APOLD1: variants seen among roughly 807,000 people sequenced by gnomAD.
APOLD1 encodes apolipoprotein L domain-containing protein 1.
Under a neutral mutation model 15.3 loss-of-function variants are expected in APOLD1, and 22 were observed. The ratio of observed to expected loss-of-function variants is 1.44; its 90% CI spans 1.03 to 2.05. The LOEUF (loss-of-function observed/expected upper bound fraction) is 2.05. Ranked by LOEUF, APOLD1 falls within the 30% of genes most tolerant of loss-of-function variation. APOLD1 has a pLI of 0.00. For missense variants in APOLD1, 394 were observed against 353.5 expected, an observed-to-expected ratio of 1.11 and a Z score of -0.92; for synonymous variants, 190 against 167.4, an observed-to-expected ratio of 1.13 and a Z score of -1.04.
chr12:12,736,538 T>TAAATA (rs746640738), intron 1 of APOLD1, among the ~76,000 whole-genome samples: 1 of 152,004 alleles, frequency 6.6e-6, no homozygotes, highest in African/African-American at 2.4e-5. Context: ...AAAGAATAAA[T>TAAATA]AAATAAAATA....
intron 1 of APOLD1, among the ~76,000 whole-genome samples, chr12:12,750,132 C>T (rs1014349812): frequency 3.9e-5 from 6 of 151,970 alleles, no homozygotes; most frequent in Admixed American, 2.0e-4. Context: ...CAGCATTTTG[C>T]GAGGCCGAGG....
intron 1 of APOLD1, among the ~76,000 whole-genome samples, chr12:12,739,018 G>A (rs556651840): frequency 3.3e-5 from 5 of 152,218 alleles, no homozygotes; most frequent in Non-Finnish European, 7.3e-5. Flanking sequence ...AGATACAGAA[G>A]TCCTTGAGGA....
At chr12:12,785,841 G>C in intron 1 of APOLD1, 147 bp downstream of exon 1, 1 of 787,768 alleles carries the variant, frequency 1.3e-6, no homozygotes, top group Non-Finnish European at 2.2e-6. Flanking sequence ...ATTCTAGACT[G>C]GGCTCTGTGA....
At chr12:12,729,649 A>G (rs1162742941) in intron 1 of APOLD1, among the ~76,000 whole-genome samples, 1 of 152,038 alleles carries the variant, frequency 6.6e-6, no homozygotes, top group African/African-American at 2.4e-5. Flanking sequence ...TAGTTAAGCT[A>G]TTCTGGAGGC....
chr12:12,760,653 A>G lies in APOLD1; in HGVS notation c.97-26256A>G, dbSNP rs551781785. ...AAACTCTGTCTCAAAAAAAAAAAAAAAACAACCAACAACCAAACAACCAAA... is the reference window on the plus strand; with the variant it reads ...AAACTCTGTCTCAAAAAAAAAAAAAGAACAACCAACAACCAAACAACCAAA... On this transcript the variant is annotated intron_variant, in intron 1 of 1. Coordinates refer to the APOLD1 transcript ENST00000326765. Among the ~76,000 whole-genome samples the G allele has an allele frequency of 5.7e-4, 86 of 151,774 alleles. 2 individuals are homozygous for G. In the East Asian group the frequency reaches 0.015, roughly 27 times the overall value.
chr12:12,734,806 C>T (rs191694953), intron 1 of APOLD1, among the ~76,000 whole-genome samples: 16 of 152,330 alleles, frequency 1.1e-4, no homozygotes, highest in Middle Eastern at 3.4e-3. Context: ...TGCATTGTCG[C>T]GTGCAGTCTC....
At chr12:12,746,072 G>A (rs1351816445) in intron 1 of APOLD1, among the ~76,000 whole-genome samples, 2 of 152,112 alleles carry the variant, frequency 1.3e-5, no homozygotes, top group South Asian at 2.1e-4. Flanking sequence ...TTAATTTTAC[G>A]CCTTGCAGTG....
At chr12:12,758,649 A>G (rs1241581743) in intron 1 of APOLD1, among the ~76,000 whole-genome samples, 1 of 152,176 alleles carries the variant, frequency 6.6e-6, no homozygotes, top group Non-Finnish European at 1.5e-5. Flanking sequence ...CAATTTATCC[A>G]TCCGTAAATG....
chr12:12,776,222 C>T (rs1179098613), intron 1 of APOLD1, among the ~76,000 whole-genome samples: 2 of 152,026 alleles, frequency 1.3e-5, no homozygotes, highest in Non-Finnish European at 2.9e-5. Context: ...CTATAACAGG[C>T]ATATTACAAA....
intron 1 of APOLD1, among the ~76,000 whole-genome samples, chr12:12,759,771 C>T (rs764550222): frequency 2.1e-4 from 32 of 152,116 alleles, no homozygotes; most frequent in Non-Finnish European, 3.7e-4. Flanking sequence ...CCAGAGCCAA[C>T]GGGAGATGAG....
At position 12,769,882 on chromosome 12, in the gene APOLD1, C is replaced by T. The variant is rs190483818; in HGVS notation, c.97-17027C>T. Among the ~76,000 whole-genome samples, 283 of 152,280 alleles carry T rather than the reference C, an allele frequency of 1.9e-3. 2 individuals carry two copies. The highest frequency in any genetic ancestry group is 6.5e-3 in the African/African-American group (272 of 41,570). On this transcript the variant is annotated intron_variant, in intron 1 of 1. Coordinates refer to the APOLD1 transcript ENST00000326765. ...TATCGGACTGTAGAATGCTTCCTTT[C>T]CCTCCACACCTTGCCACCACATTAC...
chr12:12,750,960 T>C (rs1946808783), intron 1 of APOLD1, among the ~76,000 whole-genome samples: 2 of 150,076 alleles, frequency 1.3e-5, no homozygotes, highest in African/African-American at 4.9e-5. Flanking sequence ...TTTTTTTTGG[T>C]TGTCTTTTGG....
chr12:12,766,850 AAAC>A (rs974215484), intron 1 of APOLD1, among the ~76,000 whole-genome samples: 1 of 152,072 alleles, frequency 6.6e-6, no homozygotes, highest in Non-Finnish European at 1.5e-5. Flanking sequence ...CAAAAACAAA[AAAC>A]AACAAAACAA....
intron 1 of APOLD1, among the ~76,000 whole-genome samples, chr12:12,761,114 A>G (rs972221291): frequency 1.3e-5 from 2 of 152,246 alleles, no homozygotes; most frequent in African/African-American, 4.8e-5. Context: ...ATTTAGCATC[A>G]GAGTGTTCTT....
intron 1 of APOLD1, among the ~76,000 whole-genome samples, chr12:12,786,457 G>C (rs531727783): frequency 2.6e-5 from 4 of 152,168 alleles, no homozygotes; most frequent in Admixed American, 6.5e-5. Flanking sequence ...AGAAAAGTGT[G>C]TTGCAAAACT....
Position 12,753,017 on chromosome 12 carries a change from G to A in APOLD1, c.96+26921G>A, listed in dbSNP as rs11055044. On this transcript the variant is annotated intron_variant, in intron 1 of 1. Transcript: ENST00000326765. Reference sequence around the variant, plus strand: ...AGTGTCTGGCAATACCTGGGAGGAGGGGGGTGCACTCACGTTGGAACACTA... The same window carrying A: ...AGTGTCTGGCAATACCTGGGAGGAGAGGGGTGCACTCACGTTGGAACACTA... Among the ~76,000 whole-genome samples the A allele has an allele frequency of 5.3e-5, 8 of 152,144 alleles. No individual in the cohort carries two copies. The East Asian group carries it at 1.4e-3, about 26-fold the overall frequency.
chr12:12,753,483 C>T (rs991128114), intron 1 of APOLD1, among the ~76,000 whole-genome samples: 2 of 151,550 alleles, frequency 1.3e-5, no homozygotes, highest in African/African-American at 4.8e-5. Context: ...GGCAACATGG[C>T]GAGACTACGT....
intron 1 of APOLD1, among the ~76,000 whole-genome samples, chr12:12,739,517 C>T (rs1423036652): frequency 6.6e-6 from 1 of 152,018 alleles, no homozygotes; most frequent in African/African-American, 2.4e-5. Flanking sequence ...CAACTGTAAA[C>T]AATATTTAAA....
intron 1 of APOLD1, among the ~76,000 whole-genome samples, chr12:12,761,292 A>AAAG (rs1318675099): frequency 6.6e-6 from 1 of 152,234 alleles, no homozygotes; most frequent in African/African-American, 2.4e-5. Flanking sequence ...ACTCCTTTAT[A>AAAG]AAGACTTACT....
Sources: allele counts gnomAD v4.1 joint callset (sites outside exome capture counted in the v4.1 genomes callset), GRCh38; gene constraint gnomAD v4.1.1; transcripts MANE v1.5; gene names NCBI Gene and HGNC (gene_info 2026-07-23, HGNC 2026-07-21).